Variants in FREM2 observed in about 807,000 individuals in gnomAD.
The protein encoded by FREM2 is FRAS1-related extracellular matrix protein 2.
Under a neutral mutation model 219.9 loss-of-function variants are expected in FREM2, and 119 were observed. That is an observed-to-expected ratio of 0.54 (90% CI 0.47 to 0.63). The LOEUF (loss-of-function observed/expected upper bound fraction) is 0.63. FREM2 is among the 30% of genes least tolerant of loss of function. FREM2 has a pLI of 0.00. For missense variants in FREM2, 4,030 were observed against 3,993.6 expected, an observed-to-expected ratio of 1.01 and a Z score of -0.25; for synonymous variants, 1,562 against 1,522.8, an observed-to-expected ratio of 1.03 and a Z score of -0.60.
chr13:38,812,118 G>A (rs924647017), intron 6 of FREM2, among the ~76,000 whole-genome samples: 2 of 152,008 alleles, frequency 1.3e-5, no homozygotes, highest in African/African-American at 4.8e-5. Context: ...AGCTACTCCT[G>A]CTCTTTTTTG....
rs1458123116 is a variant in FREM2, at chr13:38,689,151, C to T, written c.1807C>T (p.Pro603Ser). The T allele has an allele frequency of 6.2e-7, 1 of 1,613,908 alleles. No individual in the cohort carries two copies. Among genetic ancestry groups the T allele is most frequent in the East Asian group, 2.2e-5 (1 of 44,862 alleles). ...DSLLLFVLESPFLTTGHLLLR... is the reference protein window; with the variant it reads ...DSLLLFVLESSFLTTGHLLLR... ...TCTGCTGCTTTTTGTGCTGGAGTCACCCTTCTTAACTACGGGGCATCTGCT... is the reference window on the plus strand; with the variant it reads ...TCTGCTGCTTTTTGTGCTGGAGTCATCCTTCTTAACTACGGGGCATCTGCT... The change falls in exon 1 of 24, where the codon CCC (proline) becomes TCC (serine). Residue 603 changes from proline (P) to serine (S), a missense_variant. Coordinates refer to ENST00000280481, the MANE Select transcript of FREM2 (RefSeq NM_207361.6).
chr13:38,878,954 G>A lies in FREM2; in HGVS notation c.8983G>A (p.Val2995Ile). ...VNQPGSDGFK[V>I]DSTPLFQVAL... is the part of the protein sequence containing the mutation. ...TCAGCCTGGATCTGATGGATTTAAA[G>A]TCGACTCAACACCACTCTTTCAGGT... Residue 2995 changes from valine (V) to isoleucine (I), a missense_variant, in exon 23 of 24, where the codon GTC becomes ATC. Val to Ile is a conservative substitution (Grantham distance 29, BLOSUM62 3). Coordinates refer to ENST00000280481, the MANE Select transcript of FREM2 (RefSeq NM_207361.6). 1 of 1,614,158 alleles carries A rather than the reference G, an allele frequency of 6.2e-7. No individual in the cohort carries two copies. Among genetic ancestry groups the A allele is most frequent in the Non-Finnish European group, 8.5e-7 (1 of 1,180,002 alleles).
rs114424163 is a variant in FREM2 at position 38,755,414 on chromosome 13, A to G, written c.5264-8890A>G. Among the ~76,000 whole-genome samples, 1,004 of 152,248 alleles carry G rather than the reference A, an allele frequency of 6.6e-3. 12 individuals are homozygous for G. The highest frequency in any genetic ancestry group is 0.023 in the African/African-American group (975 of 41,532). On this transcript the variant is annotated intron_variant, in intron 2 of 23. Transcript: ENST00000280481. ...TTTTCTGTTATTCTCTATTGAAGGA[A>G]AAGGGTATCCAAAGTGTGCTGCTTG...
chr13:38,863,565 T>C (rs79007903), intron 15 of FREM2, among the ~76,000 whole-genome samples: 2 of 134,754 alleles, frequency 1.5e-5, no homozygotes. Context: ...AACAAAAAAA[T>C]GATGAGTGGC....
At chr13:38,873,020 T>C (rs763529434) in intron 17 of FREM2, 86 bp downstream of exon 17, 2 of 1,020,814 alleles carry the variant, frequency 2.0e-6, no homozygotes, top group Non-Finnish European at 3.0e-6. Context: ...TTGCTAAAAG[T>C]AGTACTAGCA....
intron 11 of FREM2, among the ~76,000 whole-genome samples, chr13:38,855,023 ATAGTT>A (rs968223446): frequency 6.6e-6 from 1 of 152,196 alleles, no homozygotes; most frequent in African/African-American, 2.4e-5. Flanking sequence ...AACCAACAAA[ATAGTT>A]TATCCATGGT....
intron 4 of FREM2, among the ~76,000 whole-genome samples, chr13:38,779,079 A>G (rs933988403): frequency 5.9e-5 from 9 of 152,124 alleles, no homozygotes; most frequent in Non-Finnish European, 1.3e-4. Context: ...GCTTTTACTA[A>G]AACTCATCTT....
chr13:38,773,275 C>G (rs1210709595), intron 4 of FREM2, among the ~76,000 whole-genome samples: 1 of 152,134 alleles, frequency 6.6e-6, no homozygotes, highest in African/African-American at 2.4e-5. Flanking sequence ...TGCCCCCATG[C>G]CTCCAAGTGT....
At chr13:38,805,275 C>T (rs1875180692) in intron 6 of FREM2, among the ~76,000 whole-genome samples, 1 of 151,638 alleles carries the variant, frequency 6.6e-6, no homozygotes, top group Non-Finnish European at 1.5e-5. Flanking sequence ...AAGGAAAGGA[C>T]TCACTGCTAA....
chr13:38,839,006 G>A (rs1193729063), intron 6 of FREM2, among the ~76,000 whole-genome samples: 4 of 151,974 alleles, frequency 2.6e-5, no homozygotes, highest in Non-Finnish European at 5.9e-5. Flanking sequence ...CCTTGCTGGC[G>A]AGGAGTTGTG....
chr13:38,743,724 C>T (rs1357644856), intron 2 of FREM2, among the ~76,000 whole-genome samples: 1 of 152,112 alleles, frequency 6.6e-6, no homozygotes, highest in Non-Finnish European at 1.5e-5. Context: ...CTATAGCAAC[C>T]TTTTCTCCAC....
Position 38,883,103 on chromosome 13 carries a change from A to G in FREM2, c.*2316A>G, listed in dbSNP as rs577827396. 1 of 152,084 alleles carries G rather than the reference A, an allele frequency of 6.6e-6. No individual in the cohort carries two copies. The highest frequency in any genetic ancestry group is 1.9e-4 in the East Asian group (1 of 5,194). 9.4% of individuals were successfully genotyped at this position (152,084 alleles called of 1,614,324 possible). ...AAATATTTATCCTTCTCTGTCCTCT[A>G]TTCTCTTACTCTCCTCTCTCCCTTT... On this transcript the variant is annotated 3_prime_UTR_variant, in exon 24 of 24. Transcript: ENST00000280481.
Position 38,691,354 on chromosome 13 carries a change from A to C in FREM2, c.4010A>C (p.Lys1337Thr), listed in dbSNP as rs746530585. The part of the protein sequence containing the change: ...LMATDLDSED[K>T]SLVYIIRYGP... ...GCAACAGATTTAGATTCAGAAGACAAATCTTTGGTTTATATTATTCGTTAT... is the reference window on the plus strand; with the variant it reads ...GCAACAGATTTAGATTCAGAAGACACATCTTTGGTTTATATTATTCGTTAT... Residue 1337 changes from lysine to threonine, a missense_variant, in exon 1 of 24, where the codon AAA becomes ACA. By Grantham distance (78) the Lys-to-Thr change is moderately conservative. Transcript: ENST00000280481. 6.2e-7 allele frequency: 1 copy of C among 1,613,948 alleles called. No homozygotes were observed. The highest frequency in any genetic ancestry group is 2.2e-5 in the East Asian group (1 of 44,894).
chr13:38,692,507 G>A lies in FREM2; in HGVS notation c.5163G>A (p.Gln1721=). The stretch of plus-strand genomic sequence containing the variant: ...ACAAAGGCAACCACAGCATCACTCA[G>A]TTCACACAAGGTATGTTTCATGTTT... ...NLDKGNHSIT[Q]FTQADIDDMK... is the part of the protein sequence containing the mutation. Residue 1721 remains glutamine (Q), a synonymous_variant, in exon 1 of 24, where the codon CAG becomes CAA. Transcript: ENST00000280481. 6.2e-7 allele frequency: 1 copy of A among 1,610,554 alleles called. No homozygotes were observed. Among genetic ancestry groups the A allele is most frequent in the South Asian group, 1.1e-5 (1 of 91,084 alleles).
At position 38,824,073 on chromosome 13, in the gene FREM2, A is replaced by G. The variant is rs189803335; in HGVS notation, c.6020-22500A>G. Among the ~76,000 whole-genome samples, 92 of 152,234 alleles carry G rather than the reference A, an allele frequency of 6.0e-4. 1 individual carries two copies. In the East Asian group the frequency reaches 0.01, roughly 17 times the overall value. ...AGCATTTCAAGTGATTATTCAAGTG[A>G]AAGGAAGAAAGAAACTTTAAGATCA... On this transcript the variant is annotated intron_variant, in intron 6 of 23. Coordinates refer to ENST00000280481, the MANE Select transcript of FREM2 (RefSeq NM_207361.6).
At chr13:38,729,873 A>G (rs1407132193) in intron 2 of FREM2, among the ~76,000 whole-genome samples, 1 of 152,240 alleles carries the variant, frequency 6.6e-6, no homozygotes, top group Non-Finnish European at 1.5e-5. Flanking sequence ...GGCTGTAAAT[A>G]TAAAGTAGTT....
Position 38,784,639 on chromosome 13 carries a change from C to T in FREM2, c.5850C>T (p.Val1950=). The T allele has an allele frequency of 6.2e-7, 1 of 1,614,168 alleles. No homozygotes were observed. The highest frequency in any genetic ancestry group is 2.2e-5 in the East Asian group (1 of 44,882). Residue 1950 remains valine, a synonymous_variant, in exon 6 of 24, where the codon GTC becomes GTT. Transcript: ENST00000280481. The part of the protein sequence containing the change: ...ISRPEDHTSV[V]RFDKDEREKL... ...GGCCTGAGGACCACACCAGTGTTGT[C>T]CGCTTTGACAAAGATGAACGGGAGA...
At chr13:38,770,146 A>T (rs1364387504) in intron 4 of FREM2, among the ~76,000 whole-genome samples, 1 of 147,886 alleles carries the variant, frequency 6.8e-6, no homozygotes, top group Non-Finnish European at 1.5e-5. Context: ...TTATGTATAT[A>T]AATTATTTAC....
In FREM2 at chr13:38,832,713, T is replaced by G. The variant is rs183268121; in HGVS notation, c.6020-13860T>G. Among the ~76,000 whole-genome samples, 11 of 152,266 alleles carry G rather than the reference T, an allele frequency of 7.2e-5. No individual in the cohort carries two copies. In the East Asian group the frequency reaches 1.9e-3, roughly 27 times the overall value. ...CAATATTACTATTTTTCATAGTTGC[T>G]TTAGGTGTTTTAAAGATATGAAGCA... is the stretch of plus-strand genomic sequence containing the variant. On this transcript the variant is annotated intron_variant, in intron 6 of 23. Coordinates refer to ENST00000280481, the MANE Select transcript of FREM2 (RefSeq NM_207361.6).
Sources: gnomAD v4.1 joint callset for allele counts (sites outside exome capture counted in the v4.1 genomes callset) on GRCh38, gnomAD v4.1.1 for gene constraint, MANE v1.5 for transcripts, NCBI Gene and HGNC (gene_info 2026-07-23, HGNC 2026-07-21) for gene names.